FSTL4: variants seen among roughly 807,000 people sequenced by gnomAD.
The protein encoded by FSTL4 is follistatin-related protein 4.
Under a neutral mutation model 78.2 loss-of-function variants are expected in FSTL4, and 28 were observed. That is an observed-to-expected ratio of 0.36 (90% CI 0.27 to 0.49). The LOEUF (loss-of-function observed/expected upper bound fraction) is 0.49. Among genes scored for constraint, FSTL4 ranks in the 20% least tolerant of loss-of-function variants. FSTL4 has a pLI of 0.98. For synonymous variants in FSTL4, 422 were observed against 440.5 expected, an observed-to-expected ratio of 0.96 and a Z score of 0.53; for missense variants, 922 against 1,084.9, an observed-to-expected ratio of 0.85 and a Z score of 2.11.
rs1045853044 is a variant in FSTL4, at chr5:133,464,094, C to T, written c.161-63108G>A. ...CAACTGTGATGGATCAACCGTCTCA[C>T]GTCTCAAGGTGCCCTTGGATGTTCC... On this transcript the variant is annotated intron_variant, in intron 3 of 15. Transcript: ENST00000265342. Among the ~76,000 whole-genome samples, 17 of 152,366 alleles carry T rather than the reference C, an allele frequency of 1.1e-4. No individual in the cohort carries two copies. The East Asian group carries it at 1.9e-3, about 17-fold the overall frequency.
At chr5:133,433,166 G>A (rs1195289215) in intron 3 of FSTL4, among the ~76,000 whole-genome samples, 4 of 152,228 alleles carry the variant, frequency 2.6e-5, no homozygotes, top group African/African-American at 9.6e-5. Flanking sequence ...AATCCTGCAT[G>A]TTTAAAACTA....
intron 3 of FSTL4, among the ~76,000 whole-genome samples, chr5:133,447,495 C>T (rs25869): frequency 3.9e-5 from 6 of 151,978 alleles, no homozygotes; most frequent in Middle Eastern, 3.2e-3. Context: ...TAAAGTTCAC[C>T]GAAACACATG....
chr5:133,231,637 G>T (rs925764389), intron 8 of FSTL4, among the ~76,000 whole-genome samples: 1 of 152,134 alleles, frequency 6.6e-6, no homozygotes, highest in Non-Finnish European at 1.5e-5. Context: ...TCACCTCTCC[G>T]GTTCAAGCAA....
chr5:133,754,710 C>T, the FSTL4 span, among the ~76,000 whole-genome samples: 1 of 152,160 alleles, frequency 6.6e-6, no homozygotes, highest in Non-Finnish European at 1.5e-5. Flanking sequence ...CCTGTCAGGT[C>T]CACGCTCTGG....
At chr5:133,332,439 C>T (rs1255918828) in intron 4 of FSTL4, among the ~76,000 whole-genome samples, 1 of 152,198 alleles carries the variant, frequency 6.6e-6, no homozygotes, top group Non-Finnish European at 1.5e-5. Flanking sequence ...GTGACAGGGA[C>T]CCTCTTGGAT....
At chr5:133,592,934 C>A (rs955739453) in intron 2 of FSTL4, among the ~76,000 whole-genome samples, 3 of 152,116 alleles carry the variant, frequency 2.0e-5, no homozygotes, top group Non-Finnish European at 4.4e-5. Flanking sequence ...TCCTTTATAG[C>A]AACACTAAAT....
At chr5:133,371,834 C>T (rs1407236619) in intron 4 of FSTL4, among the ~76,000 whole-genome samples, 1 of 152,202 alleles carries the variant, frequency 6.6e-6, no homozygotes, top group Non-Finnish European at 1.5e-5. Context: ...CATCGTCAGA[C>T]CTCGCTCCCG....
At chr5:133,739,077 A>G in the FSTL4 span, among the ~76,000 whole-genome samples, 1 of 152,116 alleles carries the variant, frequency 6.6e-6, no homozygotes, top group African/African-American at 2.4e-5. Context: ...CACAGCTGCC[A>G]GGCAACAGGA....
chr5:133,231,148 G>A (rs528370116), intron 8 of FSTL4, among the ~76,000 whole-genome samples: 7 of 151,132 alleles, frequency 4.6e-5, no homozygotes, highest in African/African-American at 1.7e-4. Context: ...TTTCCTGTTA[G>A]CCCACAGAAT....
intron 2 of FSTL4, among the ~76,000 whole-genome samples, chr5:133,575,915 C>A (rs1023642926): frequency 6.6e-6 from 1 of 152,194 alleles, no homozygotes; most frequent in Admixed American, 6.5e-5. Context: ...AACCTTTCTA[C>A]GAGTTTGACA....
intron 7 of FSTL4, among the ~76,000 whole-genome samples, chr5:133,240,016 A>C (rs748483400): frequency 1.3e-5 from 2 of 152,202 alleles, no homozygotes; most frequent in African/African-American, 2.4e-5. Flanking sequence ...CTTTCCACGC[A>C]GTGGAAGCTT....
chr5:133,299,676 G>A lies in FSTL4; in HGVS notation c.727+12978C>T, dbSNP rs76728251. On this transcript the variant is annotated intron_variant, in intron 6 of 15. Coordinates refer to ENST00000265342, the MANE Select transcript of FSTL4 (RefSeq NM_015082.2). Reference sequence around the variant, plus strand: ...TTCCAATTAGAAGCAGCTACCAACTGCTTCTCCAACCAGCAGAAGCCAGAG... The same window carrying A: ...TTCCAATTAGAAGCAGCTACCAACTACTTCTCCAACCAGCAGAAGCCAGAG... Among the ~76,000 whole-genome samples, 300 of 152,280 alleles carry A rather than the reference G, an allele frequency of 2.0e-3. 4 individuals carry two copies. The East Asian group carries it at 0.033, about 17-fold the overall frequency.
chr5:133,565,285 A>T (rs982886933), intron 3 of FSTL4, among the ~76,000 whole-genome samples: 2 of 152,184 alleles, frequency 1.3e-5, no homozygotes, highest in Non-Finnish European at 2.9e-5. Flanking sequence ...TTCTTTTTAT[A>T]CTTGTACACT....
chr5:133,627,814 C>G, the FSTL4 span, among the ~76,000 whole-genome samples: 1 of 151,284 alleles, frequency 6.6e-6, no homozygotes, highest in Admixed American at 6.6e-5. Flanking sequence ...TTTTCTTTTT[C>G]CTGCCTTCTT....
chr5:133,482,815 C>CTT (rs1758056589), intron 3 of FSTL4, among the ~76,000 whole-genome samples: 1 of 152,058 alleles, frequency 6.6e-6, no homozygotes, highest in Non-Finnish European at 1.5e-5. Flanking sequence ...TCAGAGCAAG[C>CTT]CTACAGGGAA....
At chr5:133,359,245 A>T (rs1232463363) in intron 4 of FSTL4, among the ~76,000 whole-genome samples, 1 of 152,114 alleles carries the variant, frequency 6.6e-6, no homozygotes, top group Non-Finnish European at 1.5e-5. Flanking sequence ...TTTCCTTGGG[A>T]CAGATTCCTG....
intron 7 of FSTL4, among the ~76,000 whole-genome samples, chr5:133,240,746 T>C (rs1046882673): frequency 5.3e-5 from 8 of 152,180 alleles, no homozygotes; most frequent in African/African-American, 1.9e-4. Flanking sequence ...GTGGTTCCTG[T>C]GCATAACTGA....
the FSTL4 span, among the ~76,000 whole-genome samples, chr5:133,830,497 A>T: frequency 9.2e-5 from 14 of 152,198 alleles, no homozygotes; most frequent in Admixed American, 9.2e-4. Flanking sequence ...CTCTCCCTCC[A>T]TCTCTGCCCA....
chr5:133,339,637 A>G (rs997293021), intron 4 of FSTL4, among the ~76,000 whole-genome samples: 1 of 152,174 alleles, frequency 6.6e-6, no homozygotes, highest in African/African-American at 2.4e-5. Context: ...AGTTGCTTCT[A>G]CTGAGACATG....
Sources: gnomAD v4.1 joint callset for allele counts (sites outside exome capture counted in the v4.1 genomes callset) on GRCh38, gnomAD v4.1.1 for gene constraint, MANE v1.5 for transcripts, NCBI Gene and HGNC (gene_info 2026-07-23, HGNC 2026-07-21) for gene names.